The following CPB2 variants were observed in gnomAD, a reference collection of about 807,000 sequenced individuals.
CPB2 encodes the protein carboxypeptidase B-like protein.
Under a neutral mutation model 57.0 loss-of-function variants are expected in CPB2, and 54 were observed. That is an observed-to-expected ratio of 0.95 (90% CI 0.76 to 1.19). The LOEUF (loss-of-function observed/expected upper bound fraction) is 1.19, where lower values mean the gene tolerates loss of function less well. CPB2 is among the 50% of genes most tolerant of loss of function. CPB2 has a pLI of 0.00. For missense variants in CPB2, 426 were observed against 512.0 expected (o/e 0.83, Z 1.62); for synonymous variants, 189 against 178.1 (o/e 1.06, Z -0.49).
At chr13:46,067,137 T>C (rs2044868461) in intron 7 of CPB2, among the ~76,000 whole-genome samples, 170 bp downstream of exon 7, 1 of 152,072 alleles carries the variant, frequency 6.6e-6, no homozygotes, top group Admixed American at 6.5e-5. Context: ...AGAAGTTTAC[T>C]ACACAATTAT....
At chr13:46,079,701 C>T (rs934878777) in intron 4 of CPB2, among the ~76,000 whole-genome samples, 2 of 152,162 alleles carry the variant, frequency 1.3e-5, no homozygotes, top group African/African-American at 4.8e-5. Context: ...CATTCTTAAA[C>T]TCTGATGCCT....
rs1484554686 is a variant in CPB2 at position 46,101,847 on chromosome 13, T to G, written c.74+3089A>C. Among the ~76,000 whole-genome samples the G allele has an allele frequency of 2.0e-5, 3 of 152,196 alleles. No homozygotes were observed. In the East Asian group the frequency reaches 5.8e-4, roughly 29 times the overall value. ...TGCAACACTTCCTCTGTTCCTTCCC[T>G]TCTGAGAACGTCATTATGTTCATTG... On this transcript the variant is annotated intron_variant, in intron 1 of 10. Transcript: ENST00000181383.
chr13:46,090,457 G>C (rs1487942816), intron 1 of CPB2, among the ~76,000 whole-genome samples: 3 of 150,120 alleles, frequency 2.0e-5, no homozygotes, highest in Non-Finnish European at 4.4e-5. Flanking sequence ...CCGCCTCCCA[G>C]GTTCAAGCAA....
chr13:46,090,938 C>T (rs2045284460), intron 1 of CPB2, among the ~76,000 whole-genome samples: 1 of 151,894 alleles, frequency 6.6e-6, no homozygotes, highest in Admixed American at 6.6e-5. Context: ...GTTGGTCAGG[C>T]TGGTCTCGAA....
chr13:46,071,677 C>T (rs1158573564), intron 6 of CPB2, among the ~76,000 whole-genome samples: 1 of 152,160 alleles, frequency 6.6e-6, no homozygotes, highest in Non-Finnish European at 1.5e-5. Flanking sequence ...GTGTAAGTTT[C>T]TGAGAAGAGA....
chr13:46,089,753 G>A (rs1022495584), intron 1 of CPB2, among the ~76,000 whole-genome samples: 1 of 152,056 alleles, frequency 6.6e-6, no homozygotes, highest in Admixed American at 6.6e-5. Flanking sequence ...AATATATAGC[G>A]GGAAGGTTCT....
At chr13:46,088,842 T>C (rs2045248920) in intron 1 of CPB2, among the ~76,000 whole-genome samples, 1 of 152,178 alleles carries the variant, frequency 6.6e-6, no homozygotes, top group South Asian at 2.1e-4. Context: ...CCCATTTTTT[T>C]CTAATTTACT....
chr13:46,073,983 C>T lies in CPB2; in HGVS notation c.487-6G>A. The T allele has an allele frequency of 6.4e-7, 1 of 1,558,308 alleles. No individual in the cohort carries two copies. The highest frequency in any genetic ancestry group is 8.8e-7 in the Non-Finnish European group (1 of 1,135,422). On this transcript the variant is annotated splice_polypyrimidine_tract_variant and splice_region_variant and intron_variant, in intron 5 of 10. Coordinates refer to ENST00000181383, the MANE Select transcript of CPB2 (RefSeq NM_001872.5). The stretch of plus-strand genomic sequence containing the variant: ...GCTTGTTCTTTTCCAGAAACCTGCT[C>T]AAAGAAACCCCAAAAGTAGCAAAAA...
intron 6 of CPB2, among the ~76,000 whole-genome samples, chr13:46,070,047 T>C (rs1593892504): frequency 6.6e-6 from 1 of 152,266 alleles, no homozygotes; most frequent in Non-Finnish European, 1.5e-5. Flanking sequence ...ACTTCACTTA[T>C]GATTTTTTGA....
chr13:46,070,031 A>G (rs938083638), intron 6 of CPB2, among the ~76,000 whole-genome samples: 1 of 152,240 alleles, frequency 6.6e-6, no homozygotes, highest in African/African-American at 2.4e-5. Flanking sequence ...TCTGCAATAT[A>G]CAATGACTTC....
At position 46,053,574 on chromosome 13, in the gene CPB2, T is replaced by C. The variant is rs748188286; in HGVS notation, c.*40A>G. 8 of 1,591,054 alleles carry C rather than the reference T, an allele frequency of 5.0e-6. No individual in the cohort carries two copies. The East Asian group carries it at 1.8e-4, about 36-fold the overall frequency. ...AATGATTTGGTCTTGCTGGAATCAG[T>C]AAATTAAAATACGGAAGCAGAATGA... On this transcript the variant is annotated 3_prime_UTR_variant, in exon 11 of 11. Coordinates refer to ENST00000181383, the MANE Select transcript of CPB2 (RefSeq NM_001872.5).
intron 4 of CPB2, among the ~76,000 whole-genome samples, chr13:46,080,478 C>A (rs1468843881): frequency 1.3e-5 from 2 of 152,318 alleles, no homozygotes; most frequent in East Asian, 3.9e-4. Flanking sequence ...TGTTGTACCC[C>A]TTTCTCCAAT....
At chr13:46,072,660 G>A (rs182543926) in intron 6 of CPB2, among the ~76,000 whole-genome samples, 28 of 152,184 alleles carry the variant, frequency 1.8e-4, no homozygotes, top group African/African-American at 5.3e-4. Flanking sequence ...CTAATAGGAG[G>A]GCAGAGGTGT....
Position 46,066,135 on chromosome 13 carries a change from A to G in CPB2, c.702+1172T>C, listed in dbSNP as rs571247333. 7.5e-5 allele frequency among the ~76,000 whole-genome samples: 10 copies of G among 132,582 alleles called. No individual in the cohort carries two copies. In the East Asian group the frequency reaches 1.7e-3, roughly 22 times the overall value. The allele number at this position is 132,582 out of a possible 152,430, so 87.0% of individuals were successfully genotyped here. On this transcript the variant is annotated intron_variant, in intron 7 of 10. Transcript: ENST00000181383. ...CTCCTACATGAAATAATTCATGTGT[A>G]ATTCCATGTTTCCAATCACACCAAC...
chr13:46,078,053 G>A (rs994731881), intron 5 of CPB2, among the ~76,000 whole-genome samples: 8 of 152,020 alleles, frequency 5.3e-5, no homozygotes, highest in African/African-American at 1.9e-4. Flanking sequence ...GCTAGAAGAT[G>A]AACTTAAAAT....
intron 8 of CPB2, 90 bp downstream of exon 8, chr13:46,064,558 T>A: frequency 9.9e-7 from 1 of 1,010,736 alleles, no homozygotes; most frequent in East Asian, 2.4e-5. Context: ...ACAGGCCAGC[T>A]CTGTATTTAA....
chr13:46,076,534 A>G (rs2045025302), intron 5 of CPB2, among the ~76,000 whole-genome samples: 1 of 152,178 alleles, frequency 6.6e-6, no homozygotes. Context: ...TTAAGAATTA[A>G]TATTGTTAAA....
At chr13:46,083,890 T>C (rs1392890122) in intron 3 of CPB2, among the ~76,000 whole-genome samples, 2 of 152,146 alleles carry the variant, frequency 1.3e-5, no homozygotes, top group Non-Finnish European at 2.9e-5. Flanking sequence ...TCAGGAGATA[T>C]CAAAAAGCCT....
intron 1 of CPB2, chr13:46,096,629 A>T (rs2045369730): frequency 6.6e-6 from 1 of 152,206 alleles, no homozygotes. Context: ...AATACAAAAA[A>T]TTAGCTGGGC....
Sources: gnomAD v4.1 joint callset for allele counts (sites outside exome capture counted in the v4.1 genomes callset) on GRCh38, gnomAD v4.1.1 for gene constraint, MANE v1.5 for transcripts, NCBI Gene and HGNC (gene_info 2026-07-23, HGNC 2026-07-21) for gene names.